The following TRPM3 variants were observed in gnomAD, a reference collection of about 807,000 sequenced individuals.
TRPM3 encodes the protein transient receptor potential cation channel subfamily M member 3.
TRPM3 carries 77 observed loss-of-function variants against 181.2 expected under a neutral mutation model. The ratio of observed to expected loss-of-function variants is 0.42; its 90% CI spans 0.35 to 0.51. The LOEUF (loss-of-function observed/expected upper bound fraction) is 0.51. TRPM3 is among the 20% of genes least tolerant of loss of function. The pLI is 0.01. For missense variants in TRPM3, 1,759 were observed against 2,196.7 expected, an observed-to-expected ratio of 0.80 and a Z score of 3.98; for synonymous variants, 745 against 796.4, an observed-to-expected ratio of 0.94 and a Z score of 1.09.
chr9:71,254,005 C>T (rs1475909934), intron 1 of TRPM3, among the ~76,000 whole-genome samples: 1 of 152,142 alleles, frequency 6.6e-6, no homozygotes, highest in African/African-American at 2.4e-5. Flanking sequence ...CTGCAACCTC[C>T]ACCTCCTGGA....
chr9:71,167,207 A>G (rs1382615325), intron 1 of TRPM3, among the ~76,000 whole-genome samples: 1 of 152,222 alleles, frequency 6.6e-6, no homozygotes, highest in Non-Finnish European at 1.5e-5. Context: ...CCACAGAACA[A>G]CATTCAGATC....
intron 12 of TRPM3, among the ~76,000 whole-genome samples, chr9:70,634,948 A>G (rs2056891476): frequency 6.6e-6 from 1 of 152,152 alleles, no homozygotes; most frequent in Admixed American, 6.6e-5. Context: ...GGGAAAGCCA[A>G]GAGTTCCGCT....
intron 1 of TRPM3, among the ~76,000 whole-genome samples, chr9:71,043,097 C>T (rs924958034): frequency 6.6e-6 from 1 of 152,192 alleles, no homozygotes; most frequent in Non-Finnish European, 1.5e-5. Context: ...TGTATCTTTG[C>T]AAAACTGATC....
At chr9:71,380,796 T>C in intron 1 of TRPM3, among the ~76,000 whole-genome samples, 1 of 152,210 alleles carries the variant, frequency 6.6e-6, no homozygotes, top group African/African-American at 2.4e-5. Context: ...GACAGGGACA[T>C]GGCAATACCC....
chr9:70,564,088 A>G (rs1188402985), intron 22 of TRPM3, among the ~76,000 whole-genome samples: 1 of 152,134 alleles, frequency 6.6e-6, no homozygotes, highest in Admixed American at 6.5e-5. Context: ...GTGAGAAGGG[A>G]GAGGGAAGCT....
Position 71,282,370 on chromosome 9 carries a change from T to C in TRPM3, c.183+164283A>G, listed in dbSNP as rs112286958. Among the ~76,000 whole-genome samples, 116 of 74,898 alleles carry C rather than the reference T, an allele frequency of 1.5e-3. 3 individuals carry two copies. In the Middle Eastern group the frequency reaches 0.017, roughly 11 times the overall value. 49.1% of individuals were successfully genotyped at this position (74,898 alleles called of 152,430 possible). ...AAAAGAAAGAAAGAAAAAGAAAGAA[T>C]GAAAGAAAGAAAGAAAGGAAAGAAA... On this transcript the variant is annotated intron_variant, in intron 1 of 24. Transcript: ENST00000357533.
At chr9:71,261,727 T>G (rs558998481) in intron 1 of TRPM3, among the ~76,000 whole-genome samples, 1 of 152,390 alleles carries the variant, frequency 6.6e-6, no homozygotes, top group East Asian at 1.9e-4. Context: ...TATTGGTTTC[T>G]GTTTGTTAGT....
intron 1 of TRPM3, among the ~76,000 whole-genome samples, chr9:70,898,747 C>CAAAAAAAAA (rs34952516): frequency 3.3e-4 from 31 of 93,230 alleles, no homozygotes; most frequent in Non-Finnish European, 4.4e-4. Context: ...GACTTCATCT[C>CAAAAAAAAA]AAAAAAAAAA....
chr9:71,391,040 A>T (rs2093049782), intron 1 of TRPM3, among the ~76,000 whole-genome samples: 1 of 152,002 alleles, frequency 6.6e-6, no homozygotes, highest in South Asian at 2.1e-4. Context: ...AATGAATAAA[A>T]CGTGAGTAGA....
At position 71,353,617 on chromosome 9, in the gene TRPM3, C is replaced by G. The variant is rs114702013; in HGVS notation, c.183+93036G>C. Among the ~76,000 whole-genome samples the G allele has an allele frequency of 5.7e-3, 864 of 152,296 alleles. 14 individuals carry two copies. The highest frequency in any genetic ancestry group is 0.02 in the African/African-American group (830 of 41,548). On this transcript the variant is annotated intron_variant, in intron 1 of 24. Coordinates refer to the TRPM3 transcript ENST00000357533. The stretch of plus-strand genomic sequence containing the variant: ...GTATAAAGATTAATGATAGAAAACA[C>G]TTAGAATAGTGTCTGTCAATTGGAA...
chr9:70,745,749 T>C (rs1564099896), intron 8 of TRPM3, among the ~76,000 whole-genome samples: 1 of 152,180 alleles, frequency 6.6e-6, no homozygotes. Flanking sequence ...AGGGAAGGCA[T>C]TGGCTTGCTT....
chr9:71,384,491 A>C (rs557535125), intron 1 of TRPM3, among the ~76,000 whole-genome samples: 1 of 152,322 alleles, frequency 6.6e-6, no homozygotes, highest in South Asian at 2.1e-4. Flanking sequence ...TCCCATTCAC[A>C]CGGCTGTCGT....
At chr9:71,002,052 C>T (rs2097609453) in intron 1 of TRPM3, among the ~76,000 whole-genome samples, 1 of 152,184 alleles carries the variant, frequency 6.6e-6, no homozygotes, top group African/African-American at 2.4e-5. Context: ...TTGCTGCCTA[C>T]CTTTCTAGCC....
At chr9:71,184,794 C>G (rs183494956) in intron 1 of TRPM3, among the ~76,000 whole-genome samples, 54 of 152,222 alleles carry the variant, frequency 3.5e-4, no homozygotes, top group Non-Finnish European at 6.3e-4. Context: ...CTGCCAACAG[C>G]TTTACATGCT....
chr9:70,824,332 A>G (rs2093409990), intron 6 of TRPM3: 1 of 152,258 alleles, frequency 6.6e-6, no homozygotes, highest in Non-Finnish European at 1.5e-5. Context: ...ACACATTTGT[A>G]AATTAGATTT....
At chr9:71,293,457 AAT>A (rs1359493873) in intron 1 of TRPM3, among the ~76,000 whole-genome samples, 7 of 151,910 alleles carry the variant, frequency 4.6e-5, no homozygotes, top group African/African-American at 1.7e-4. Context: ...GCAATTTTAA[AAT>A]ATATCCTTTA....
At chr9:70,989,666 C>T (rs753009832) in intron 1 of TRPM3, among the ~76,000 whole-genome samples, 7 of 152,146 alleles carry the variant, frequency 4.6e-5, no homozygotes, top group Admixed American at 1.3e-4. Flanking sequence ...GAACATTAAG[C>T]TTTATATGTT....
intron 1 of TRPM3, among the ~76,000 whole-genome samples, chr9:71,320,036 G>A (rs1253794336): frequency 2.0e-5 from 3 of 152,176 alleles, no homozygotes; most frequent in Non-Finnish European, 4.4e-5. Flanking sequence ...GCTTTTGGAA[G>A]AAGATGGGAA....
chr9:70,662,994 G>A (rs1443561357), intron 9 of TRPM3, among the ~76,000 whole-genome samples: 4 of 152,022 alleles, frequency 2.6e-5, no homozygotes, highest in Non-Finnish European at 5.9e-5. Flanking sequence ...CAACATAAGC[G>A]CCCATCAATT....
Sources: gnomAD v4.1 joint callset for allele counts (sites outside exome capture counted in the v4.1 genomes callset) on GRCh38, gnomAD v4.1.1 for gene constraint, MANE v1.5 for transcripts, NCBI Gene and HGNC (gene_info 2026-07-23, HGNC 2026-07-21) for gene names.